Variants in ACSBG1 observed in about 807,000 individuals in gnomAD.
The protein encoded by ACSBG1 is acyl-CoA synthetase bubblegum family member 1.
A neutral mutation model predicts 80.2 loss-of-function variants in ACSBG1; 39 were observed. The observed-to-expected ratio is 0.49, with a 90% CI of 0.38 to 0.64. The LOEUF is 0.64. ACSBG1 is among the 30% of genes least tolerant of loss of function. The pLI, the probability that ACSBG1 is intolerant of heterozygous loss-of-function variation, is 0.00. For synonymous variants in ACSBG1, 392 were observed against 379.5 expected, an observed-to-expected ratio of 1.03 and a Z score of -0.38; for missense variants, 828 against 966.4, an observed-to-expected ratio of 0.86 and a Z score of 1.90.
intron 2 of ACSBG1, among the ~76,000 whole-genome samples, chr15:78,201,042 T>A (rs1455609899): frequency 6.6e-6 from 1 of 152,128 alleles, no homozygotes; most frequent in Non-Finnish European, 1.5e-5. Flanking sequence ...CTTCCCTCCA[T>A]CACATGCCCA....
At chr15:78,231,084 G>T (rs549318217) in intron 1 of ACSBG1, among the ~76,000 whole-genome samples, 6 of 152,274 alleles carry the variant, frequency 3.9e-5, no homozygotes, top group Admixed American at 3.9e-4. Context: ...CTTCTGAGTA[G>T]CTGGGACCAC....
At chr15:78,231,165 G>C (rs1567103388) in intron 1 of ACSBG1, among the ~76,000 whole-genome samples, 1 of 152,038 alleles carries the variant, frequency 6.6e-6, no homozygotes, top group Non-Finnish European at 1.5e-5. Flanking sequence ...TTGTTGCCCA[G>C]GCTGGAGTGC....
chr15:78,169,991 C>A lies in ACSBG1; in HGVS notation c.*1453G>T, dbSNP rs557572186. The A allele has an allele frequency of 3.9e-5, 6 of 152,374 alleles. No homozygotes were observed. Among genetic ancestry groups the A allele is most frequent in the Middle Eastern group, 6.8e-3 (2 of 294 alleles). 9.4% of individuals were successfully genotyped at this position (152,374 alleles called of 1,614,324 possible). Reference sequence around the variant, plus strand: ...TATTAATTTTGTATTTCAGCAACTGCCCCTTCTCCTATCCCAAAGCACCAA... The same window carrying A: ...TATTAATTTTGTATTTCAGCAACTGACCCTTCTCCTATCCCAAAGCACCAA... On this transcript the variant is annotated 3_prime_UTR_variant, in exon 14 of 14. Coordinates refer to ENST00000258873, the MANE Select transcript of ACSBG1 (RefSeq NM_015162.5).
chr15:78,215,758 GA>G (rs1245963830), intron 1 of ACSBG1, among the ~76,000 whole-genome samples: 30 of 149,038 alleles, frequency 2.0e-4, no homozygotes, highest in Non-Finnish European at 2.7e-4. Flanking sequence ...AAGAAAGAAA[GA>G]AAGAAAGAAA....
intron 2 of ACSBG1, among the ~76,000 whole-genome samples, chr15:78,201,031 C>A (rs2075162831): frequency 6.6e-6 from 1 of 152,190 alleles, no homozygotes; most frequent in Non-Finnish European, 1.5e-5. Flanking sequence ...CCTGCAATGC[C>A]CTTCCCTCCA....
chr15:78,180,773 T>G lies in ACSBG1; in HGVS notation c.1235A>C (p.Asn412Thr). ...TCTGTACCTGCCGGGGCAGGTGAGG[T>G]TCTGCTCCAAGGTCACCGACATGGC... ...LWAMSVTLEQ[N>T]LTCPGSDLKP... is the part of the protein sequence containing the mutation. The change falls in exon 9 of 14, where the codon AAC becomes ACC. Residue 412 changes from asparagine (N) to threonine (T), a missense_variant. Around this residue, in one of 3 missense-constraint regions of ACSBG1, gnomAD observed 271 missense variants for 375.9 expected, o/e 0.72. Transcript: ENST00000258873. 3 of 1,614,048 alleles carry G rather than the reference T, an allele frequency of 1.9e-6. No homozygotes were observed. The highest frequency in any genetic ancestry group is 2.5e-6 in the Non-Finnish European group (3 of 1,180,002).
At chr15:78,219,632 A>G (rs2075343638) in intron 1 of ACSBG1, among the ~76,000 whole-genome samples, 2 of 152,210 alleles carry the variant, frequency 1.3e-5, no homozygotes. Flanking sequence ...TTTTAATCAA[A>G]ATCTTAGCTG....
rs1216555555 is a variant in ACSBG1, at chr15:78,169,253, ACT to A, written c.*2189_*2190del. 6.4e-6 allele frequency: 2 copies of A among 311,714 alleles called. No homozygotes were observed. Among genetic ancestry groups the A allele is most frequent in the East Asian group, 5.1e-5 (1 of 19,612 alleles). 19.3% of individuals were successfully genotyped at this position (311,714 alleles called of 1,614,324 possible). On this transcript the variant is annotated 3_prime_UTR_variant, in exon 14 of 14. Coordinates refer to ENST00000258873, the MANE Select transcript of ACSBG1 (RefSeq NM_015162.5). ...TACCTGGTAAATGTTTTTTTTGTAA[ACT>A]CTGAGTGGACTGTATCATTTGCTAT...
chr15:78,198,705 T>C (rs74563006), intron 2 of ACSBG1, among the ~76,000 whole-genome samples: 4,374 of 152,294 alleles, frequency 0.029, 89 homozygotes, highest in East Asian at 0.07. Context: ...TATGAAACAA[T>C]TTAGCAGTCT....
At chr15:78,204,696 C>A (rs965960510) in intron 2 of ACSBG1, among the ~76,000 whole-genome samples, 1 of 152,244 alleles carries the variant, frequency 6.6e-6, no homozygotes, top group South Asian at 2.1e-4. Context: ...CGGCCCCCAT[C>A]GGAGGCTGCG....
chr15:78,234,223 T>C lies in ACSBG1; in HGVS notation c.131+148A>G, dbSNP rs2075473985. The C allele has an allele frequency of 9.5e-6, 11 of 1,160,590 alleles. No individual in the cohort carries two copies. In the South Asian group the frequency reaches 1.7e-4, roughly 18 times the overall value. The allele number at this position is 1,160,590 out of a possible 1,614,324, so 71.9% of individuals were successfully genotyped here. ...CTCCAAATGACCAGTTCTTCCATCT[T>C]ACGGATCGCCCAGATCCTTCCCTTC... On this transcript the variant is annotated intron_variant, in intron 1 of 13. Coordinates refer to ENST00000258873, the MANE Select transcript of ACSBG1 (RefSeq NM_015162.5).
chr15:78,181,944 G>A (rs750976159), intron 8 of ACSBG1, 25 bp downstream of exon 8: 37 of 1,607,694 alleles, frequency 2.3e-5, no homozygotes, highest in East Asian at 2.2e-4. Flanking sequence ...GGGCTCAGAC[G>A]GACACACGGT....
intron 2 of ACSBG1, among the ~76,000 whole-genome samples, chr15:78,197,930 C>T (rs1164157553): frequency 1.3e-5 from 2 of 152,114 alleles, no homozygotes; most frequent in African/African-American, 4.8e-5. Context: ...TAGAAGCTCA[C>T]GCTCCTCTGT....
intron 1 of ACSBG1, among the ~76,000 whole-genome samples, chr15:78,232,502 C>T (rs527940027): frequency 1.4e-4 from 21 of 152,252 alleles, no homozygotes; most frequent in African/African-American, 5.1e-4. Context: ...CCTCTGCCAC[C>T]CCTTTTCACC....
At chr15:78,217,862 G>A (rs553520828) in intron 1 of ACSBG1, among the ~76,000 whole-genome samples, 3 of 152,236 alleles carry the variant, frequency 2.0e-5, no homozygotes, top group African/African-American at 4.8e-5. Flanking sequence ...CACCGCACCC[G>A]GCCTGGAAAA....
chr15:78,179,425 G>T (rs1463471709), intron 10 of ACSBG1, 125 bp downstream of exon 10: 3 of 849,590 alleles, frequency 3.5e-6, no homozygotes, highest in Non-Finnish European at 5.5e-6. Flanking sequence ...ATAGCCCAGT[G>T]GCCAGGTCTC....
rs994310005 is a variant in ACSBG1 at position 78,177,560 on chromosome 15, G to A, written c.1702+1054C>T. Among the ~76,000 whole-genome samples, 2 of 152,132 alleles carry A rather than the reference G, an allele frequency of 1.3e-5. No individual in the cohort carries two copies. Among genetic ancestry groups the A allele is most frequent in the Admixed American group, 1.3e-4 (2 of 15,274 alleles). On this transcript the variant is annotated intron_variant, in intron 11 of 13. Coordinates refer to ENST00000258873, the MANE Select transcript of ACSBG1 (RefSeq NM_015162.5). This position sits in a 1 kb window ranked among gnomAD's most constrained non-coding sequence, Gnocchi z 4.1. ...CGGCCATTACAAAGAGGCACACTAG[G>A]CGGCGCCCATGGCACATCCAAGCAG... is the stretch of plus-strand genomic sequence containing the variant.
intron 12 of ACSBG1, 54 bp downstream of exon 12, chr15:78,174,331 C>T: frequency 6.2e-7 from 1 of 1,612,570 alleles, no homozygotes; most frequent in Non-Finnish European, 8.5e-7. Flanking sequence ...GCCAGCCAGA[C>T]CCACAGACCC....
intron 2 of ACSBG1, among the ~76,000 whole-genome samples, chr15:78,205,945 T>C (rs1595895069): frequency 6.6e-6 from 1 of 152,020 alleles, no homozygotes; most frequent in East Asian, 1.9e-4. Context: ...CAAGCTCCGC[T>C]CCAGGCCTGG....
Sources: gnomAD v4.1 joint callset for allele counts (sites outside exome capture counted in the v4.1 genomes callset) on GRCh38, gnomAD v4.1.1 for gene constraint, gnomAD v4.1.1 regional missense constraint, Gnocchi (gnomAD v3.1) non-coding constraint, MANE v1.5 for transcripts, NCBI Gene and HGNC (gene_info 2026-07-23, HGNC 2026-07-21) for gene names.